The following STPG2 variants were observed in gnomAD, a reference collection of about 807,000 sequenced individuals.
STPG2 encodes the protein sperm-tail PG-rich repeat-containing protein 2.
In STPG2, 56 loss-of-function variants were observed where a neutral mutation model predicts 54.2. The observed-to-expected ratio is 1.03, with a 90% CI of 0.83 to 1.29. The LOEUF is 1.29. Among genes scored for constraint, STPG2 ranks in the 50% most tolerant of loss-of-function variants. The pLI is 0.00. For missense variants in STPG2, 596 were observed against 544.9 expected, an observed-to-expected ratio of 1.09 and a Z score of -0.93; for synonymous variants, 200 against 181.8, an observed-to-expected ratio of 1.10 and a Z score of -0.81.
intron 4 of STPG2, among the ~76,000 whole-genome samples, chr4:97,510,383 A>C (rs1730946196): frequency 1.3e-5 from 2 of 152,120 alleles, no homozygotes; most frequent in African/African-American, 4.8e-5. Context: ...CAGTAGAAGG[A>C]AAAGGAAGTA....
At chr4:97,736,676 C>T (rs1451908321) in intron 9 of STPG2, among the ~76,000 whole-genome samples, 3 of 152,198 alleles carry the variant, frequency 2.0e-5, no homozygotes, top group Non-Finnish European at 4.4e-5. Flanking sequence ...TGTCATTGCC[C>T]AGGCTTGCTT....
At chr4:97,719,239 G>C (rs140678789) in intron 9 of STPG2, among the ~76,000 whole-genome samples, 3 of 151,748 alleles carry the variant, frequency 2.0e-5, no homozygotes, top group Non-Finnish European at 4.4e-5. Flanking sequence ...CAGCTCACAG[G>C]GTTTATTCAC....
At chr4:97,713,239 C>A (rs771321492) in intron 9 of STPG2, among the ~76,000 whole-genome samples, 39 of 152,206 alleles carry the variant, frequency 2.6e-4, no homozygotes, top group Middle Eastern at 6.8e-3. Flanking sequence ...TTACGGAAAT[C>A]AAGACGCAAA....
At chr4:97,542,293 T>A (rs1731730839) in intron 4 of STPG2, among the ~76,000 whole-genome samples, 1 of 151,958 alleles carries the variant, frequency 6.6e-6, no homozygotes, top group South Asian at 2.1e-4. Flanking sequence ...AACAACCCCA[T>A]CAAAAAGTGG....
chr4:97,834,159 C>G (rs747481398), intron 9 of STPG2, among the ~76,000 whole-genome samples: 2 of 152,116 alleles, frequency 1.3e-5, no homozygotes, highest in Non-Finnish European at 2.9e-5. Flanking sequence ...ATATATACAC[C>G]ATGGGATACT....
intron 8 of STPG2, among the ~76,000 whole-genome samples, chr4:97,878,904 T>C (rs1730272821): frequency 6.6e-6 from 1 of 152,148 alleles, no homozygotes; most frequent in South Asian, 2.1e-4. Context: ...CTTTTAAAAC[T>C]GAATCCTTTT....
chr4:97,953,032 G>A (rs1473447105), intron 7 of STPG2, among the ~76,000 whole-genome samples: 7 of 152,074 alleles, frequency 4.6e-5, no homozygotes, highest in Non-Finnish European at 7.4e-5. Flanking sequence ...CTCAGGTGAC[G>A]GGCAGAGCTA....
intron 2 of STPG2, among the ~76,000 whole-genome samples, chr4:98,130,908 C>T (rs1374403408): frequency 8.3e-6 from 1 of 120,152 alleles, no homozygotes; most frequent in East Asian, 2.5e-4. Context: ...GGAGACAGAG[C>T]GAGACTCCGT....
chr4:97,767,452 G>A (rs897073629), intron 9 of STPG2, among the ~76,000 whole-genome samples: 13 of 152,034 alleles, frequency 8.6e-5, no homozygotes, highest in African/African-American at 2.9e-4. Flanking sequence ...ATTAAACATG[G>A]TGGCATGTTT....
At chr4:97,676,671 C>A (rs1722861123) in intron 10 of STPG2, among the ~76,000 whole-genome samples, 1 of 152,110 alleles carries the variant, frequency 6.6e-6, no homozygotes, top group Non-Finnish European at 1.5e-5. Context: ...GCCACTAACT[C>A]ATTAATATGA....
intron 10 of STPG2, among the ~76,000 whole-genome samples, chr4:97,635,988 G>T: frequency 6.6e-6 from 1 of 152,058 alleles, no homozygotes. Flanking sequence ...GCACCAAGTG[G>T]ACCTAATAGA....
chr4:97,726,953 T>C (rs1724643793), intron 9 of STPG2, among the ~76,000 whole-genome samples: 1 of 151,936 alleles, frequency 6.6e-6, no homozygotes, highest in Admixed American at 6.6e-5. Context: ...GAAATTATTG[T>C]TAAGCATTAT....
At chr4:97,739,688 C>T (rs1317236497) in intron 9 of STPG2, among the ~76,000 whole-genome samples, 2 of 152,270 alleles carry the variant, frequency 1.3e-5, no homozygotes, top group Non-Finnish European at 2.9e-5. Context: ...TCTGAATAGA[C>T]CAATAACAGG....
intron 8 of STPG2, among the ~76,000 whole-genome samples, chr4:97,861,821 T>A (rs1425406830): frequency 6.6e-6 from 1 of 152,064 alleles, no homozygotes; most frequent in Non-Finnish European, 1.5e-5. Context: ...CCAGCCAAAC[T>A]AAGTTTCATA....
chr4:98,085,182 A>G (rs1738467919), intron 5 of STPG2, among the ~76,000 whole-genome samples: 2 of 152,014 alleles, frequency 1.3e-5, no homozygotes, highest in African/African-American at 4.8e-5. Context: ...TTCTGGCACT[A>G]TTTGTGCAAA....
intron 5 of STPG2, among the ~76,000 whole-genome samples, chr4:98,012,404 T>C (rs1210062949): frequency 6.6e-6 from 1 of 152,208 alleles, no homozygotes; most frequent in Non-Finnish European, 1.5e-5. Context: ...GCTTTGTTCT[T>C]TTTGCTTAGG....
chr4:97,796,681 C>T (rs1245116724), intron 9 of STPG2, among the ~76,000 whole-genome samples: 1 of 152,150 alleles, frequency 6.6e-6, no homozygotes, highest in East Asian at 1.9e-4. Flanking sequence ...CTTGGCAATG[C>T]TGGCTTTTTC....
At chr4:97,706,852 C>T (rs1010424359) in intron 10 of STPG2, among the ~76,000 whole-genome samples, 5 of 151,862 alleles carry the variant, frequency 3.3e-5, no homozygotes, top group Admixed American at 6.6e-5. Context: ...AAAATGGAAA[C>T]GATGAATGTA....
At chr4:97,614,157 T>G (rs1042429032) in intron 10 of STPG2, among the ~76,000 whole-genome samples, 1 of 152,098 alleles carries the variant, frequency 6.6e-6, no homozygotes, top group Non-Finnish European at 1.5e-5. Flanking sequence ...ATGAGTTCCA[T>G]AAAGTTAAAC....
Sources: gnomAD v4.1 joint callset for allele counts (sites outside exome capture counted in the v4.1 genomes callset) on GRCh38, gnomAD v4.1.1 for gene constraint, MANE v1.5 for transcripts, NCBI Gene and HGNC (gene_info 2026-07-23, HGNC 2026-07-21) for gene names.